The following PLD1 variants were observed in gnomAD, a reference collection of about 807,000 sequenced individuals.
The protein encoded by PLD1 is phospholipase D1.
Under a neutral mutation model 137.1 loss-of-function variants are expected in PLD1, and 112 were observed. The ratio of observed to expected loss-of-function variants is 0.82; its 90% CI spans 0.70 to 0.96. The LOEUF (loss-of-function observed/expected upper bound fraction) is 0.96, where lower values mean the gene tolerates loss of function less well. PLD1 is among the 40% of genes least tolerant of loss of function. The pLI is 0.00. For synonymous variants in PLD1, 431 were observed against 454.7 expected, an observed-to-expected ratio of 0.95 and a Z score of 0.66; for missense variants, 1,321 against 1,342.0, an observed-to-expected ratio of 0.98 and a Z score of 0.24.
intron 22 of PLD1, 80 bp from the exon 23 acceptor site, chr3:171,642,969 AAC>A: frequency 1.3e-6 from 1 of 782,704 alleles, no homozygotes; most frequent in Non-Finnish European, 2.2e-6. Flanking sequence ...GTTTAATCCT[AAC>A]ACAAGTAAAA....
In PLD1 at chr3:171,699,702, A is replaced by T. The variant is rs1343827412; in HGVS notation, c.1227+43T>A. 3 of 1,350,408 alleles carry T rather than the reference A, an allele frequency of 2.2e-6. No individual in the cohort carries two copies. In the Admixed American group the frequency reaches 5.1e-5, roughly 23 times the overall value. 83.7% of individuals were successfully genotyped at this position (1,350,408 alleles called of 1,614,324 possible). On this transcript the variant is annotated intron_variant, in intron 12 of 26. Transcript: ENST00000351298. ...AAGAAAAGCATTTCAGAGACAACAG[A>T]CAGTTAAAAAATTATATCAGCATTT...
chr3:171,705,655 A>G (rs575224868), intron 11 of PLD1, among the ~76,000 whole-genome samples: 1 of 152,352 alleles, frequency 6.6e-6, no homozygotes, highest in East Asian at 1.9e-4. Flanking sequence ...TAAAATCATA[A>G]TAAAACACTA....
intron 24 of PLD1, among the ~76,000 whole-genome samples, chr3:171,619,903 T>C (rs1733445672): frequency 6.6e-6 from 1 of 151,244 alleles, no homozygotes; most frequent in South Asian, 2.1e-4. Flanking sequence ...GACCCCCATC[T>C]CAAAAATAGT....
intron 1 of PLD1, among the ~76,000 whole-genome samples, chr3:171,796,649 C>T (rs533979182): frequency 1.3e-5 from 2 of 152,278 alleles, no homozygotes; most frequent in East Asian, 3.9e-4. Flanking sequence ...GAAACCAAGG[C>T]CCAGGAGGTT....
chr3:171,766,926 GA>G (rs1722015253), intron 1 of PLD1, among the ~76,000 whole-genome samples: 1 of 152,100 alleles, frequency 6.6e-6, no homozygotes, highest in Non-Finnish European at 1.5e-5. Context: ...AAATTGGGTA[GA>G]AGTTATTTGC....
chr3:171,778,954 G>A (rs556012382), intron 1 of PLD1, among the ~76,000 whole-genome samples: 138 of 152,308 alleles, frequency 9.1e-4, no homozygotes, highest in Admixed American at 1.4e-3. Context: ...TTGGGAGGCC[G>A]AGGTGGGTGG....
At chr3:171,670,963 T>C (rs1400299371) in intron 19 of PLD1, among the ~76,000 whole-genome samples, 1 of 152,224 alleles carries the variant, frequency 6.6e-6, no homozygotes. Context: ...CTTTGAATGA[T>C]ACCTCTTGTA....
intron 1 of PLD1, among the ~76,000 whole-genome samples, chr3:171,764,883 GAAAGAAAGAAAGGAAGGAAGGAAGGAA>G (rs1721761785): frequency 4.0e-5 from 1 of 25,164 alleles, no homozygotes; most frequent in African/African-American, 1.5e-4. Context: ...AAGAAAGAAA[GAAAGAAAGAAAGGAAGGAAGGAAGGAA>G]GGAAAGAAAG....
chr3:171,764,050 T>C (rs1560287171), intron 1 of PLD1, among the ~76,000 whole-genome samples: 1 of 152,164 alleles, frequency 6.6e-6, no homozygotes, highest in African/African-American at 2.4e-5. Context: ...AAGCTCACTG[T>C]AGCGTTGAAC....
At chr3:171,648,435 A>G (rs1174505611) in intron 21 of PLD1, among the ~76,000 whole-genome samples, 1 of 152,240 alleles carries the variant, frequency 6.6e-6, no homozygotes, top group African/African-American at 2.4e-5. Flanking sequence ...GTAAGAATTT[A>G]TAAGAATATA....
At chr3:171,702,479 C>A (rs1234087218) in intron 11 of PLD1, among the ~76,000 whole-genome samples, 9 of 150,768 alleles carry the variant, frequency 6.0e-5, no homozygotes, top group Non-Finnish European at 8.9e-5. Flanking sequence ...CAAAGGAAGA[C>A]CCTGTCTCAA....
At chr3:171,758,131 T>C (rs1372795788) in intron 1 of PLD1, among the ~76,000 whole-genome samples, 4 of 152,362 alleles carry the variant, frequency 2.6e-5, no homozygotes, top group Non-Finnish European at 4.4e-5. Flanking sequence ...TTACTACTAA[T>C]AGCTAATAGT....
At chr3:171,775,219 G>C (rs1722547962) in intron 1 of PLD1, among the ~76,000 whole-genome samples, 3 of 151,898 alleles carry the variant, frequency 2.0e-5, no homozygotes, top group Non-Finnish European at 4.4e-5. Flanking sequence ...TAGACATCAA[G>C]GATTTTTCAT....
chr3:171,705,384 C>T (rs548496247), intron 11 of PLD1, among the ~76,000 whole-genome samples: 1 of 152,136 alleles, frequency 6.6e-6, no homozygotes, highest in South Asian at 2.1e-4. Context: ...AATATTGAAA[C>T]CACTCAGAGG....
chr3:171,715,921 A>C (rs1237079592), intron 8 of PLD1, among the ~76,000 whole-genome samples: 12 of 117,294 alleles, frequency 1.0e-4, no homozygotes, highest in Admixed American at 5.3e-4. Context: ...CCCTCCTCCC[A>C]CCCCCCACCC....
intron 1 of PLD1, among the ~76,000 whole-genome samples, chr3:171,805,931 G>T (rs369143193): frequency 8.5e-5 from 13 of 152,154 alleles, no homozygotes; most frequent in Non-Finnish European, 1.6e-4. Context: ...ATCCCAGCAC[G>T]TTTGGAAGCC....
intron 11 of PLD1, among the ~76,000 whole-genome samples, chr3:171,704,481 T>A (rs966821110): frequency 2.1e-4 from 29 of 139,600 alleles, no homozygotes; most frequent in Non-Finnish European, 4.0e-4. Context: ...AAAAAAACCT[T>A]ATCTTGTACA....
At chr3:171,652,713 A>C (rs1436926963) in intron 21 of PLD1, among the ~76,000 whole-genome samples, 1 of 135,972 alleles carries the variant, frequency 7.4e-6, no homozygotes, top group East Asian at 2.2e-4. Flanking sequence ...AGATCCTCCC[A>C]CCTCAGCTTC....
chr3:171,705,080 C>T (rs780163360), intron 11 of PLD1, among the ~76,000 whole-genome samples: 4 of 152,190 alleles, frequency 2.6e-5, no homozygotes, highest in Non-Finnish European at 5.9e-5. Context: ...TGTTGCATGG[C>T]CTGGTTCCTA....
Sources: allele counts gnomAD v4.1 joint callset (sites outside exome capture counted in the v4.1 genomes callset), GRCh38; gene constraint gnomAD v4.1.1; transcripts MANE v1.5; gene names NCBI Gene and HGNC (gene_info 2026-07-23, HGNC 2026-07-21).